Variants in UNC13C observed in about 807,000 individuals in gnomAD.
UNC13C encodes protein unc-13 homolog C.
UNC13C carries 174 observed loss-of-function variants against 245.4 expected under a neutral mutation model. That is an observed-to-expected ratio of 0.71 (90% CI 0.63 to 0.80). The LOEUF (loss-of-function observed/expected upper bound fraction) is 0.80. UNC13C is among the 30% of genes least tolerant of loss of function. The probability of loss-of-function intolerance (pLI) is 0.00; values close to 1 mark genes in which losing one functional copy is unlikely to be tolerated. For synonymous variants in UNC13C, 992 were observed against 895.1 expected, an observed-to-expected ratio of 1.11 and a Z score of -1.93; for missense variants, 2,829 against 2,602.9, an observed-to-expected ratio of 1.09 and a Z score of -1.89.
At chr15:54,406,784 A>C (rs879876466) in intron 18 of UNC13C, among the ~76,000 whole-genome samples, 2 of 152,168 alleles carry the variant, frequency 1.3e-5, no homozygotes, top group Admixed American at 1.3e-4. Context: ...CTTATCATTC[A>C]CAACTATTTA....
intron 19 of UNC13C, among the ~76,000 whole-genome samples, chr15:54,484,814 C>G (rs1276765245): frequency 6.6e-6 from 1 of 152,140 alleles, no homozygotes; most frequent in African/African-American, 2.4e-5. Context: ...AAAAGGATCT[C>G]AATTACAGGT....
chr15:54,396,905 T>C (rs2040081119), intron 18 of UNC13C, among the ~76,000 whole-genome samples: 1 of 151,054 alleles, frequency 6.6e-6, no homozygotes, highest in Non-Finnish European at 1.5e-5. Flanking sequence ...TAAAGGTCTA[T>C]ACTAGATAAA....
intron 5 of UNC13C, 92 bp from the exon 6 acceptor site, chr15:54,236,338 G>A (rs1016423254): frequency 1.7e-5 from 17 of 980,574 alleles, no homozygotes; most frequent in Admixed American, 3.7e-5. Context: ...ATTGTAAAGT[G>A]TTAGGCTAAT....
chr15:54,254,092 C>A (rs886475525), intron 8 of UNC13C, among the ~76,000 whole-genome samples: 27 of 152,194 alleles, frequency 1.8e-4, no homozygotes, highest in African/African-American at 6.0e-4. Context: ...CTAAGACAAG[C>A]AATTAATAAA....
chr15:53,870,392 C>T, the UNC13C span, among the ~76,000 whole-genome samples: 4 of 152,088 alleles, frequency 2.6e-5, no homozygotes, highest in Admixed American at 2.6e-4. Context: ...GGCACAACTG[C>T]AGAATTTGGA....
At chr15:54,505,418 G>A (rs1045283536) in intron 22 of UNC13C, among the ~76,000 whole-genome samples, 1 of 152,108 alleles carries the variant, frequency 6.6e-6, no homozygotes, top group Non-Finnish European at 1.5e-5. Context: ...CCCACCTCTG[G>A]CATTTCTGAC....
Position 54,014,140 on chromosome 15 carries a change from A to C in UNC13C, c.1237A>C (p.Ile413Leu), listed in dbSNP as rs1450779416. 1 of 1,613,786 alleles carries C rather than the reference A, an allele frequency of 6.2e-7. No homozygotes were observed. Among genetic ancestry groups the C allele is most frequent in the African/African-American group, 1.3e-5 (1 of 75,046 alleles). ...GISTDILTHD[I>L]RERKEKGIPS... Reference sequence around the variant, plus strand: ...CTCAACAGATATTCTAACTCATGACATCAGAGAAAGAAAAGAGAAAGGGAT... The same window carrying C: ...CTCAACAGATATTCTAACTCATGACCTCAGAGAAAGAAAAGAGAAAGGGAT... The change falls in exon 2 of 33, where the codon ATC becomes CTC. Residue 413 changes from isoleucine to leucine, a missense_variant. Ile to Leu is a conservative substitution (Grantham distance 5). Coordinates refer to ENST00000260323, the MANE Select transcript of UNC13C (RefSeq NM_001080534.3).
rs560092863 is a variant in UNC13C, at chr15:54,460,941, G to T, written c.4934-33667G>T. On this transcript the variant is annotated intron_variant, in intron 19 of 32. Transcript: ENST00000260323. ...GTTATAAATTAAAACCTTATTGTTT[G>T]TTTATATTTTTTATTTATTTTATAA... Among the ~76,000 whole-genome samples the T allele has an allele frequency of 1.1e-4, 16 of 151,924 alleles. No homozygotes were observed. In the East Asian group the frequency reaches 3.1e-3, roughly 29 times the overall value.
intron 10 of UNC13C, among the ~76,000 whole-genome samples, chr15:54,275,683 G>C (rs74957263): frequency 1.3e-5 from 2 of 151,952 alleles, no homozygotes; most frequent in Admixed American, 1.3e-4. Context: ...ACTAAGTGTT[G>C]GTGAGAATTC....
intron 2 of UNC13C, among the ~76,000 whole-genome samples, chr15:54,076,273 C>A (rs1201038054): frequency 2.4e-5 from 3 of 124,032 alleles, no homozygotes; most frequent in African/African-American, 9.2e-5. Context: ...CCCACCCCAC[C>A]ACAGTCCCCA....
In UNC13C at chr15:54,012,357, A is replaced by C. The variant is rs116105835; in HGVS notation, c.-256-291A>C. The stretch of plus-strand genomic sequence containing the variant: ...GAAGTCAATATGGCTGTATAAATTG[A>C]CTGTCGTATTACTCAATGTTTTCTA... On this transcript the variant is annotated intron_variant, in intron 1 of 32. Transcript: ENST00000260323. 1.5e-3 allele frequency among the ~76,000 whole-genome samples: 227 copies of C among 152,296 alleles called. 1 individual carries two copies. The highest frequency in any genetic ancestry group is 5.3e-3 in the African/African-American group (221 of 41,578).
At chr15:54,481,490 T>C (rs1893114907) in intron 19 of UNC13C, among the ~76,000 whole-genome samples, 2 of 152,106 alleles carry the variant, frequency 1.3e-5, no homozygotes, top group Admixed American at 6.5e-5. Flanking sequence ...GGTGTGTGTG[T>C]GTGTACCTGC....
chr15:54,491,685 T>C (rs1893709689), intron 19 of UNC13C, among the ~76,000 whole-genome samples: 2 of 152,114 alleles, frequency 1.3e-5, no homozygotes, highest in African/African-American at 4.8e-5. Context: ...TCTGCTTGCT[T>C]TCATTATTTT....
rs1361217366 is a variant in UNC13C, at chr15:54,554,848, C to T, written c.5878-584C>T. 2.0e-5 allele frequency among the ~76,000 whole-genome samples: 3 copies of T among 151,832 alleles called. No individual in the cohort carries two copies. The Admixed American group carries it at 2.0e-4, about 10-fold the overall frequency. ...GACCACAGTGAACAACGAAGAAATT[C>T]CATTGTAAAATAATGAAATAAGTTT... On this transcript the variant is annotated intron_variant, in intron 28 of 32. Coordinates refer to ENST00000260323, the MANE Select transcript of UNC13C (RefSeq NM_001080534.3).
intron 13 of UNC13C, among the ~76,000 whole-genome samples, chr15:54,319,104 G>A (rs1367666565): frequency 6.6e-6 from 1 of 151,748 alleles, no homozygotes; most frequent in East Asian, 2.0e-4. Flanking sequence ...AGACAATGCA[G>A]GGTCTGGGTA....
intron 2 of UNC13C, among the ~76,000 whole-genome samples, chr15:54,114,452 G>T (rs2030072829): frequency 6.6e-6 from 1 of 152,004 alleles, no homozygotes; most frequent in Non-Finnish European, 1.5e-5. Context: ...TACAAATGAT[G>T]CTATACCGGT....
intron 19 of UNC13C, among the ~76,000 whole-genome samples, chr15:54,447,382 G>T (rs985775379): frequency 1.3e-5 from 2 of 152,138 alleles, no homozygotes; most frequent in Non-Finnish European, 2.9e-5. Flanking sequence ...GTAGAATTTG[G>T]CTGTGAATCT....
intron 10 of UNC13C, among the ~76,000 whole-genome samples, chr15:54,269,013 T>C (rs1216935977): frequency 6.6e-6 from 1 of 151,838 alleles, no homozygotes; most frequent in Non-Finnish European, 1.5e-5. Flanking sequence ...TCAAAGAGTC[T>C]AATGGACTCT....
intron 2 of UNC13C, among the ~76,000 whole-genome samples, chr15:54,137,232 G>T (rs1200455462): frequency 2.0e-5 from 3 of 152,120 alleles, no homozygotes; most frequent in Non-Finnish European, 4.4e-5. Flanking sequence ...CTTTTACTGT[G>T]CCATTGAATT....
Sources: allele counts gnomAD v4.1 joint callset (sites outside exome capture counted in the v4.1 genomes callset), GRCh38; gene constraint gnomAD v4.1.1; transcripts MANE v1.5; gene names NCBI Gene and HGNC (gene_info 2026-07-23, HGNC 2026-07-21).